The following DENND5B variants were observed in gnomAD, a reference collection of about 807,000 sequenced individuals.
DENND5B encodes DENN domain containing 5B, also known as DENN domain-containing protein 5B.
A neutral mutation model predicts 140.6 loss-of-function variants in DENND5B; 34 were observed. That is an observed-to-expected ratio of 0.24 (90% CI 0.18 to 0.32). The LOEUF (loss-of-function observed/expected upper bound fraction) is 0.32, where lower values mean the gene tolerates loss of function less well. DENND5B is among the 10% of genes least tolerant of loss of function. The probability of loss-of-function intolerance (pLI) is 1.00; values close to 1 mark genes in which losing one functional copy is unlikely to be tolerated. For missense variants in DENND5B, 1,142 were observed against 1,560.2 expected (o/e 0.73, Z 4.52); for synonymous variants, 551 against 562.1 (o/e 0.98, Z 0.28).
chr12:31,536,045 C>T (rs957250890), intron 1 of DENND5B, among the ~76,000 whole-genome samples: 14 of 152,054 alleles, frequency 9.2e-5, no homozygotes, highest in African/African-American at 3.1e-4. Flanking sequence ...AGCAGCTCTC[C>T]GCCCCTCTTC....
At chr12:31,453,986 A>G (rs982094718) in intron 4 of DENND5B, among the ~76,000 whole-genome samples, 44 of 151,954 alleles carry the variant, frequency 2.9e-4, no homozygotes, top group Admixed American at 2.7e-3. Flanking sequence ...TACTAAAAAT[A>G]TAAAAATTAG....
At chr12:31,495,389 C>CTTTTCTTTT (rs750278067) in intron 2 of DENND5B, among the ~76,000 whole-genome samples, 1 of 136,206 alleles carries the variant, frequency 7.3e-6, no homozygotes, top group Non-Finnish European at 1.5e-5. Context: ...CTTTTTTTTT[C>CTTTTCTTTT]TTTTTTTGAG....
intron 5 of DENND5B, 133 bp downstream of exon 5, chr12:31,451,807 G>T: frequency 9.4e-7 from 1 of 1,064,776 alleles, no homozygotes; most frequent in Non-Finnish European, 1.3e-6. Context: ...CAAAAAGTCT[G>T]CATTTAAAAA....
chr12:31,460,828 C>T (rs144362123), intron 3 of DENND5B, among the ~76,000 whole-genome samples: 439 of 151,920 alleles, frequency 2.9e-3, no homozygotes, highest in South Asian at 7.5e-3. Flanking sequence ...CGGATTCAAG[C>T]GATTCTCCTG....
rs777372872 is a variant in DENND5B at position 31,479,991 on chromosome 12, T to C, written c.502A>G (p.Thr168Ala). 5.0e-6 allele frequency: 8 copies of C among 1,613,900 alleles called. No homozygotes were observed. Among genetic ancestry groups the C allele is most frequent in the Admixed American group, 1.7e-5 (1 of 60,000 alleles). ...LASSLDEGDT[T>A]SLLKLQRYNS... is the part of the protein sequence containing the mutation. ...TATCGCTGGAGTTTCAAAAGGGAAG[T>C]TGTATCTCCTTCATCAAGACTACTT... is the stretch of plus-strand genomic sequence containing the variant. The change falls in exon 3 of 21, where the codon ACT (threonine) becomes GCT (alanine). Residue 168 changes from threonine to alanine, a missense_variant. Thr to Ala is a moderately conservative substitution (Grantham distance 58). Transcript: ENST00000389082.
At chr12:31,573,832 T>C (rs934401248) in intron 1 of DENND5B, among the ~76,000 whole-genome samples, 3 of 152,142 alleles carry the variant, frequency 2.0e-5, no homozygotes, top group African/African-American at 4.8e-5. Context: ...TGCACGCCAT[T>C]AGTCCCAGCT....
Position 31,426,857 on chromosome 12 carries a change from C to G in DENND5B, c.2107-433G>C, listed in dbSNP as rs560102692. On this transcript the variant is annotated intron_variant, in intron 8 of 20. Coordinates refer to ENST00000389082, the MANE Select transcript of DENND5B (RefSeq NM_144973.4). ...TCCCCATACAGTAAGACTTAACATA[C>G]CTCTAGCCTCCTGGGCAGTGCTCTC... is the stretch of plus-strand genomic sequence containing the variant. The G allele has an allele frequency of 1.7e-5, 3 of 172,932 alleles. No homozygotes were observed. In the South Asian group the frequency reaches 4.2e-4, roughly 24 times the overall value. 10.7% of individuals were successfully genotyped at this position (172,932 alleles called of 1,614,324 possible).
At chr12:31,501,697 C>T (rs1030456752) in intron 1 of DENND5B, among the ~76,000 whole-genome samples, 2 of 148,222 alleles carry the variant, frequency 1.3e-5, no homozygotes, top group East Asian at 2.0e-4. Flanking sequence ...TGCCTGAACC[C>T]GGGAGGTGGA....
At chr12:31,512,523 C>T (rs1367469316) in intron 1 of DENND5B, among the ~76,000 whole-genome samples, 2 of 152,002 alleles carry the variant, frequency 1.3e-5, no homozygotes, top group African/African-American at 4.8e-5. Context: ...TGAGCCACTG[C>T]ACTCAGCCTA....
intron 7 of DENND5B, among the ~76,000 whole-genome samples, chr12:31,436,109 C>A (rs184582169): frequency 2.1e-4 from 31 of 150,600 alleles, no homozygotes; most frequent in African/African-American, 7.3e-5. Flanking sequence ...AAAGCCCCCC[C>A]ACTTTTTTTT....
chr12:31,555,019 C>G (rs1008239905), intron 1 of DENND5B, among the ~76,000 whole-genome samples: 1 of 152,158 alleles, frequency 6.6e-6, no homozygotes, highest in African/African-American at 2.4e-5. Flanking sequence ...TCCTGTAGCT[C>G]AGAGTAGTTT....
At chr12:31,434,781 C>T (rs188122544) in intron 7 of DENND5B, among the ~76,000 whole-genome samples, 18 of 152,248 alleles carry the variant, frequency 1.2e-4, no homozygotes, top group Non-Finnish European at 2.5e-4. Context: ...GTCTAACATG[C>T]AACTTCACCT....
intron 1 of DENND5B, among the ~76,000 whole-genome samples, chr12:31,499,208 A>G (rs980223632): frequency 1.6e-4 from 24 of 152,328 alleles, no homozygotes; most frequent in African/African-American, 5.5e-4. Context: ...GAAAAATTAC[A>G]TAAGCATCCT....
chr12:31,426,806 C>G (rs1009827515), intron 8 of DENND5B: 2 of 200,700 alleles, frequency 1.0e-5, no homozygotes, highest in African/African-American at 4.7e-5. Context: ...CAGCTGTTCT[C>G]AGATCACTGA....
At chr12:31,512,921 C>A in intron 1 of DENND5B, among the ~76,000 whole-genome samples, 1 of 152,214 alleles carries the variant, frequency 6.6e-6, no homozygotes, top group East Asian at 1.9e-4. Flanking sequence ...ACATTATTAG[C>A]GAAAGTCTAA....
intron 2 of DENND5B, among the ~76,000 whole-genome samples, chr12:31,486,474 A>G (rs1037125927): frequency 1.3e-5 from 2 of 152,224 alleles, no homozygotes; most frequent in African/African-American, 4.8e-5. Context: ...AAAAACCCTT[A>G]GGTCAAATAC....
At chr12:31,478,744 A>T (rs1378421580) in intron 3 of DENND5B, among the ~76,000 whole-genome samples, 1 of 151,980 alleles carries the variant, frequency 6.6e-6, no homozygotes, top group Non-Finnish European at 1.5e-5. Context: ...TTTTTTGAAG[A>T]ATCTATCAGT....
chr12:31,499,395 G>C (rs1946917112), intron 1 of DENND5B, among the ~76,000 whole-genome samples: 1 of 152,194 alleles, frequency 6.6e-6, no homozygotes, highest in South Asian at 2.1e-4. Flanking sequence ...TCTGCCAAGA[G>C]AGCTTAAAGA....
At chr12:31,583,307 A>AG (rs1467886285) in intron 1 of DENND5B, among the ~76,000 whole-genome samples, 154 of 121,252 alleles carry the variant, frequency 1.3e-3, no homozygotes, top group African/African-American at 3.7e-3. Context: ...AAAAAAAAAA[A>AG]AAGAGAGAGA....
Sources: allele counts gnomAD v4.1 joint callset (sites outside exome capture counted in the v4.1 genomes callset), GRCh38; gene constraint gnomAD v4.1.1; transcripts MANE v1.5; gene names NCBI Gene and HGNC (gene_info 2026-07-23, HGNC 2026-07-21).